MINDY4: variants seen among roughly 807,000 people sequenced by gnomAD.
MINDY4 encodes the protein MINDY lysine 48 deubiquitinase 4, also known as probable ubiquitin carboxyl-terminal hydrolase MINDY-4.
Under a neutral mutation model 87.0 loss-of-function variants are expected in MINDY4, and 68 were observed. That is an observed-to-expected ratio of 0.78 (90% CI 0.64 to 0.96). MINDY4 has a LOEUF of 0.96. Ranked by LOEUF, MINDY4 falls within the 40% of genes least tolerant of loss-of-function variation. The pLI is 0.00. For synonymous variants in MINDY4, 379 were observed against 363.2 expected, an observed-to-expected ratio of 1.04 and a Z score of -0.50; for missense variants, 919 against 928.2, an observed-to-expected ratio of 0.99 and a Z score of 0.13.
At chr7:30,880,304 C>A (rs1327718831) in intron 15 of MINDY4, among the ~76,000 whole-genome samples, 7 of 120,460 alleles carry the variant, frequency 5.8e-5, no homozygotes, top group Non-Finnish European at 6.4e-5. Context: ...TCCCCCGCAC[C>A]CCCCCCCACC....
chr7:30,851,916 G>T (rs1437593232), intron 10 of MINDY4, among the ~76,000 whole-genome samples: 1 of 152,230 alleles, frequency 6.6e-6, no homozygotes, highest in Non-Finnish European at 1.5e-5. Context: ...TCAGTTGTGG[G>T]TGAGAGTCAG....
At chr7:30,806,485 TAA>T (rs35183235) in intron 5 of MINDY4, among the ~76,000 whole-genome samples, 8 of 150,000 alleles carry the variant, frequency 5.3e-5, no homozygotes, top group Admixed American at 4.0e-4. Flanking sequence ...AACACCCATT[TAA>T]AAAAAAAAAC....
chr7:30,783,185 C>G (rs10254554), intron 3 of MINDY4, among the ~76,000 whole-genome samples: 2 of 151,996 alleles, frequency 1.3e-5, no homozygotes, highest in East Asian at 1.9e-4. Flanking sequence ...ATTTTCTTTT[C>G]TTTTTTAGCT....
rs1462005722 is a variant in MINDY4, at chr7:30,841,942, C to T, written c.1445+1094C>T. 2.0e-5 allele frequency among the ~76,000 whole-genome samples: 3 copies of T among 152,154 alleles called. No individual in the cohort carries two copies. In the East Asian group the frequency reaches 5.8e-4, roughly 29 times the overall value. On this transcript the variant is annotated intron_variant, in intron 9 of 17. Coordinates refer to ENST00000265299, the MANE Select transcript of MINDY4 (RefSeq NM_032222.3). ...CTTTTTTAAAAAAGCCTAGGTGTTA[C>T]CCAGACAACAAGACCCATTTCCCAT...
rs143222855 is a variant in MINDY4, at chr7:30,782,100, A to T, written c.307A>T (p.Lys103Ter). The T allele has an allele frequency of 2.0e-4, 325 of 1,614,170 alleles. 1 individual carries two copies. The highest frequency in any genetic ancestry group is 3.3e-4 in the Admixed American group (20 of 60,028). Residue 103 changes from lysine to a stop codon, truncating the protein, a stop_gained, in exon 3 of 18, where the codon AAA becomes TAA. Coordinates refer to ENST00000265299, the MANE Select transcript of MINDY4 (RefSeq NM_032222.3). LOFTEE classifies it high-confidence loss of function. ...AATCCCTGCACTCTCAGTTCCAAAG[A>T]AAAATAACAAAGTGCCATCAAGATG... Reference protein sequence around the residue: ...TPIPALSVPKKNNKVPSRCSE... With the variant: ...TPIPALSVPK
Position 30,867,355 on chromosome 7 carries a change from G to T in MINDY4, c.1746-4888G>T, listed in dbSNP as rs1051561191. 5.9e-5 allele frequency among the ~76,000 whole-genome samples: 9 copies of T among 152,300 alleles called. No individual in the cohort carries two copies. In the East Asian group the frequency reaches 1.3e-3, roughly 23 times the overall value. On this transcript the variant is annotated intron_variant, in intron 13 of 17. Transcript: ENST00000265299. Reference sequence around the variant, plus strand: ...CAGGAATCATGACCTCTTGGTTATTGTTTTTTGTTTTGTTTTGTTTTTTGT... The same window carrying T: ...CAGGAATCATGACCTCTTGGTTATTTTTTTTTGTTTTGTTTTGTTTTTTGT...
At chr7:30,817,332 A>T (rs956243801) in intron 5 of MINDY4, among the ~76,000 whole-genome samples, 1 of 152,096 alleles carries the variant, frequency 6.6e-6, no homozygotes, top group African/African-American at 2.4e-5. Context: ...GTGAAAGGAA[A>T]AAAGCTTTTC....
chr7:30,807,859 A>G (rs921728952), intron 5 of MINDY4, among the ~76,000 whole-genome samples: 3 of 152,288 alleles, frequency 2.0e-5, no homozygotes, highest in East Asian at 1.9e-4. Context: ...GTGCGCCCTT[A>G]AAAGGGACAG....
At chr7:30,847,469 G>C (rs912609767) in intron 9 of MINDY4, among the ~76,000 whole-genome samples, 1 of 152,188 alleles carries the variant, frequency 6.6e-6, no homozygotes, top group Non-Finnish European at 1.5e-5. Flanking sequence ...CCTGAAACCA[G>C]GTGCCCACGG....
At chr7:30,863,290 T>C (rs1789824682) in intron 13 of MINDY4, among the ~76,000 whole-genome samples, 1 of 152,184 alleles carries the variant, frequency 6.6e-6, no homozygotes, top group African/African-American at 2.4e-5. Flanking sequence ...AGCAGAGTGG[T>C]GGGCTGGGAA....
In MINDY4 at chr7:30,833,619, C is replaced by T. The variant is rs1788772022; in HGVS notation, c.1133-3039C>T. ...AAACCAATCATGCCTTCCCAACAGT[C>T]CCCCAAAGTCTTAACTCATTTCAGC... is the stretch of plus-strand genomic sequence containing the variant. On this transcript the variant is annotated intron_variant, in intron 6 of 17. Coordinates refer to ENST00000265299, the MANE Select transcript of MINDY4 (RefSeq NM_032222.3). Among the ~76,000 whole-genome samples, 2 of 152,178 alleles carry T rather than the reference C, an allele frequency of 1.3e-5. 1 individual carries two copies. Among genetic ancestry groups the T allele is most frequent in the Admixed American group, 1.3e-4 (2 of 15,290 alleles).
chr7:30,862,868 G>A (rs1789809582), intron 13 of MINDY4, among the ~76,000 whole-genome samples: 1 of 152,100 alleles, frequency 6.6e-6, no homozygotes, highest in Admixed American at 6.5e-5. Flanking sequence ...AACTATGTTT[G>A]TAATGAAAAC....
intron 12 of MINDY4, chr7:30,858,932 G>T (rs1156977350): frequency 5.2e-6 from 3 of 576,894 alleles, no homozygotes; most frequent in Admixed American, 2.2e-5. Context: ...AGTGTTCGGG[G>T]TGATAATGCC....
chr7:30,823,496 A>G (rs1262553982), intron 5 of MINDY4, among the ~76,000 whole-genome samples: 1 of 152,084 alleles, frequency 6.6e-6, no homozygotes, highest in East Asian at 1.9e-4. Flanking sequence ...CTCCTTCAGT[A>G]GCAGACTCAT....
intron 13 of MINDY4, among the ~76,000 whole-genome samples, chr7:30,871,119 GC>G (rs1367985087): frequency 1.4e-5 from 2 of 144,502 alleles, no homozygotes; most frequent in African/African-American, 2.9e-5. Flanking sequence ...GGTCGTGTGT[GC>G]CCCCAGGGCT....
At position 30,842,027 on chromosome 7, in the gene MINDY4, A is replaced by C. The variant is rs148626293; in HGVS notation, c.1445+1179A>C. On this transcript the variant is annotated intron_variant, in intron 9 of 17. Transcript: ENST00000265299. Reference sequence around the variant, plus strand: ...CCATCCAGCCAAGCTTGGTACTCCAATGAAACACATTTCACCAGCACGGAT... The same window carrying C: ...CCATCCAGCCAAGCTTGGTACTCCACTGAAACACATTTCACCAGCACGGAT... Among the ~76,000 whole-genome samples the C allele has an allele frequency of 5.9e-3, 893 of 152,338 alleles. 8 individuals carry two copies. Among genetic ancestry groups the C allele is most frequent in the African/African-American group, 0.021 (867 of 41,572 alleles).
chr7:30,808,804 G>C (rs1787893892), intron 5 of MINDY4, among the ~76,000 whole-genome samples: 1 of 152,024 alleles, frequency 6.6e-6, no homozygotes, highest in African/African-American at 2.4e-5. Context: ...TGGTTTTAGA[G>C]CCCCGTCGTC....
chr7:30,836,558 C>A (rs1788864124), intron 6 of MINDY4, 100 bp from the exon 7 acceptor site: 2 of 968,384 alleles, frequency 2.1e-6, no homozygotes, highest in South Asian at 1.5e-5. Context: ...TTCACTCAAA[C>A]CTTCTACAAA....
chr7:30,891,817 G>A (rs1790800765), intron 17 of MINDY4, 140 bp from the exon 18 acceptor site: 5 of 789,932 alleles, frequency 6.3e-6, no homozygotes, highest in Non-Finnish European at 1.1e-5. Flanking sequence ...GAATTTGGAG[G>A]GGTGAGATGA....
Sources: allele counts gnomAD v4.1 joint callset (sites outside exome capture counted in the v4.1 genomes callset), GRCh38; gene constraint gnomAD v4.1.1; transcripts MANE v1.5; gene names NCBI Gene and HGNC (gene_info 2026-07-23, HGNC 2026-07-21).